Variants in BMS1 observed in about 807,000 individuals in gnomAD.
BMS1 encodes BMS1 ribosome biogenesis factor.
BMS1 carries 53 observed loss-of-function variants against 138.7 expected under a neutral mutation model. The ratio of observed to expected loss-of-function variants is 0.38; its 90% CI spans 0.31 to 0.48. The LOEUF (loss-of-function observed/expected upper bound fraction) is 0.48. Ranked by LOEUF, BMS1 falls within the 20% of genes least tolerant of loss-of-function variation. The pLI is 0.97. For synonymous variants in BMS1, 504 were observed against 539.9 expected, an observed-to-expected ratio of 0.93 and a Z score of 0.92; for missense variants, 1,360 against 1,565.5, an observed-to-expected ratio of 0.87 and a Z score of 2.22.
chr10:42,798,441 A>G, intron 11 of BMS1, 27 bp from the exon 12 acceptor site: 3 of 1,613,626 alleles, frequency 1.9e-6, no homozygotes, highest in Non-Finnish European at 2.5e-6. Context: ...TTTTGTTCTC[A>G]CTTTTCTGCC....
intron 15 of BMS1, among the ~76,000 whole-genome samples, chr10:42,819,970 T>G (rs1475543122): frequency 6.6e-6 from 1 of 152,118 alleles, no homozygotes. Flanking sequence ...TTTGGTATTT[T>G]TAGTAGAGAC....
At chr10:42,789,396 A>C (rs191871131) in intron 4 of BMS1, among the ~76,000 whole-genome samples, 1 of 151,168 alleles carries the variant, frequency 6.6e-6, no homozygotes, top group Non-Finnish European at 1.5e-5. Context: ...AAAGATGGGC[A>C]TTTCTGTTTC....
At chr10:42,793,761 T>C in intron 8 of BMS1, 91 bp from the exon 9 acceptor site, 2 of 1,424,982 alleles carry the variant, frequency 1.4e-6, no homozygotes, top group South Asian at 1.3e-5. Context: ...AGGAAATGTG[T>C]CTAAGATAAT....
intron 4 of BMS1, among the ~76,000 whole-genome samples, chr10:42,789,619 G>T (rs1589131550): frequency 6.6e-6 from 1 of 150,604 alleles, no homozygotes; most frequent in African/African-American, 2.4e-5. Context: ...ATTCTAAACT[G>T]GTAGCTATTT....
chr10:42,797,402 G>T lies in BMS1; in HGVS notation c.1988-20G>T. The T allele has an allele frequency of 6.2e-7, 1 of 1,613,088 alleles. No individual in the cohort carries two copies. Among genetic ancestry groups the T allele is most frequent in the Non-Finnish European group, 8.5e-7 (1 of 1,179,148 alleles). ...GACACATGAATAAGCCTAACTGGAG[G>T]TTGGCATTGGTCGTTTCAGGTGCCC... is the stretch of plus-strand genomic sequence containing the variant. On this transcript the variant is annotated intron_variant, in intron 10 of 22. Coordinates refer to ENST00000374518, the MANE Select transcript of BMS1 (RefSeq NM_014753.4).
chr10:42,825,582 T>C (rs1842614823), intron 21 of BMS1, among the ~76,000 whole-genome samples: 1 of 152,250 alleles, frequency 6.6e-6, no homozygotes, highest in Non-Finnish European at 1.5e-5. Context: ...ATTTTCTTGA[T>C]TTGTCACCTA....
intron 9 of BMS1, 111 bp downstream of exon 9, chr10:42,794,102 T>C (rs763046860): frequency 6.3e-6 from 8 of 1,269,422 alleles, no homozygotes; most frequent in Admixed American, 2.2e-5. Context: ...TATGTTGTTT[T>C]GTTTTTCTTT....
At chr10:42,809,902 C>T (rs1180168265) in intron 13 of BMS1, among the ~76,000 whole-genome samples, 1 of 152,050 alleles carries the variant, frequency 6.6e-6, no homozygotes, top group Non-Finnish European at 1.5e-5. Flanking sequence ...CCTCCTGCCT[C>T]CACCTCCCAC....
Position 42,803,573 on chromosome 10 carries a change from G to A in BMS1, c.2329+1355G>A, listed in dbSNP as rs999798293. ...CTATGCAGCTTTATCACGTTACTAA[G>A]ATACCAGTTATTAAAACCGTGTCTC... On this transcript the variant is annotated intron_variant, in intron 13 of 22. Transcript: ENST00000374518. 1.8e-4 allele frequency among the ~76,000 whole-genome samples: 27 copies of A among 152,074 alleles called. 1 individual carries two copies. Among genetic ancestry groups the A allele is most frequent in the African/African-American group, 6.5e-4 (27 of 41,474 alleles).
intron 7 of BMS1, 27 bp from the exon 8 acceptor site, chr10:42,792,930 A>G: frequency 6.3e-7 from 1 of 1,595,556 alleles, no homozygotes. Context: ...TGTCAGCTGA[A>G]GCTGGCTTTT....
intron 21 of BMS1, among the ~76,000 whole-genome samples, chr10:42,824,353 G>A (rs1442767568): frequency 6.6e-6 from 1 of 152,158 alleles, no homozygotes; most frequent in African/African-American, 2.4e-5. Context: ...CTATTAAGTT[G>A]TAAGAGTTCT....
intron 13 of BMS1, among the ~76,000 whole-genome samples, chr10:42,807,032 C>T (rs1842032152): frequency 6.6e-6 from 1 of 152,020 alleles, no homozygotes; most frequent in African/African-American, 2.4e-5. Context: ...TCCAGTTTCA[C>T]TTATGTGTGT....
rs368058099 is a variant in BMS1, at chr10:42,784,465, G to A, written c.71G>A (p.Arg24Gln). 62 of 1,613,860 alleles carry A rather than the reference G, an allele frequency of 3.8e-5. No individual in the cohort carries two copies. The highest frequency in any genetic ancestry group is 1.3e-4 in the East Asian group (6 of 44,886). ...SGPKAAKKKK[R>Q]LLQDLQLGDE... is the part of the protein sequence containing the mutation. ...CCCAAAGCTGCAAAGAAAAAGAAGC[G>A]GCTTCTGCAGGATCTCCAGCTAGGA... Residue 24 changes from arginine to glutamine, a missense_variant, in exon 2 of 23, where the codon CGG becomes CAG. By Grantham distance (43) the Arg-to-Gln change is conservative (BLOSUM62 1). Transcript: ENST00000374518.
At position 42,831,306 on chromosome 10, in the gene BMS1, T is replaced by C. The variant is rs1372573715; in HGVS notation, c.*210T>C. 2 of 555,142 alleles carry C rather than the reference T, an allele frequency of 3.6e-6. No homozygotes were observed. The highest frequency in any genetic ancestry group is 3.8e-5 in the African/African-American group (2 of 53,198). 34.4% of individuals were successfully genotyped at this position (555,142 alleles called of 1,614,324 possible). A position where few individuals can be genotyped will look rare whatever the true frequency, so the allele number is the denominator to read the frequency against. ...TTGGGGCTGTCGAGATTTAAAGTGATGTAAGCTGTGGTTATGTGGATTCTC... is the reference window on the plus strand; with the variant it reads ...TTGGGGCTGTCGAGATTTAAAGTGACGTAAGCTGTGGTTATGTGGATTCTC... On this transcript the variant is annotated 3_prime_UTR_variant, in exon 23 of 23. Transcript: ENST00000374518.
rs1044761380 is a variant in BMS1 at position 42,833,217 on chromosome 10, A to C, written c.*2121A>C. ...AAAAATCTTGGTTTATCATATTTGG[A>C]GAACAAGGGAAATAAAAAGTTTGCA... On this transcript the variant is annotated 3_prime_UTR_variant, in exon 23 of 23. Transcript: ENST00000374518. 2 of 152,226 alleles carry C rather than the reference A, an allele frequency of 1.3e-5. No homozygotes were observed. The highest frequency in any genetic ancestry group is 4.8e-5 in the African/African-American group (2 of 41,448). The allele number at this position is 152,226 out of a possible 1,614,324, so 9.4% of individuals were successfully genotyped here. A position where few individuals can be genotyped will look rare whatever the true frequency, so the allele number is the denominator to read the frequency against.
Position 42,796,192 on chromosome 10 carries a change from T to A in BMS1, c.1230-282T>A, listed in dbSNP as rs138854501. On this transcript the variant is annotated intron_variant, in intron 9 of 22. Transcript: ENST00000374518. ...AAAAGATCTACAAAACAGTAACTTC[T>A]CTTTTGAGCAATTTTTTTCTAAAAT... Among the ~76,000 whole-genome samples the A allele has an allele frequency of 5.8e-3, 887 of 152,322 alleles. 12 individuals carry two copies. Among genetic ancestry groups the A allele is most frequent in the African/African-American group, 0.02 (818 of 41,584 alleles).
intron 9 of BMS1, among the ~76,000 whole-genome samples, chr10:42,795,721 G>A (rs1000826873): frequency 2.0e-5 from 3 of 151,996 alleles, no homozygotes; most frequent in African/African-American, 7.2e-5. Context: ...ACATTAAATA[G>A]CTTCATACAG....
intron 15 of BMS1, among the ~76,000 whole-genome samples, chr10:42,818,988 C>T (rs945396905): frequency 6.6e-6 from 1 of 152,160 alleles, no homozygotes; most frequent in Non-Finnish European, 1.5e-5. Context: ...AGTCCTTCAG[C>T]GTGGAGGCCT....
intron 4 of BMS1, among the ~76,000 whole-genome samples, chr10:42,790,089 A>G (rs1441174252): frequency 6.6e-6 from 1 of 152,234 alleles, no homozygotes; most frequent in African/African-American, 2.4e-5. Context: ...AGGGCCAGGT[A>G]GTAGATATTT....
Sources: gnomAD v4.1 joint callset for allele counts (sites outside exome capture counted in the v4.1 genomes callset) on GRCh38, gnomAD v4.1.1 for gene constraint, MANE v1.5 for transcripts, NCBI Gene and HGNC (gene_info 2026-07-23, HGNC 2026-07-21) for gene names.